The following PTPRR variants were observed in gnomAD, a reference collection of about 807,000 sequenced individuals.
PTPRR encodes receptor-type tyrosine-protein phosphatase R.
In PTPRR, 38 loss-of-function variants were observed where a neutral mutation model predicts 77.2. That is an observed-to-expected ratio of 0.49 (90% CI 0.38 to 0.65). PTPRR has a LOEUF of 0.65. Ranked by LOEUF, PTPRR falls within the 30% of genes least tolerant of loss-of-function variation. The pLI is 0.00. For synonymous variants in PTPRR, 299 were observed against 283.1 expected (o/e 1.06, Z -0.57); for missense variants, 744 against 799.2 (o/e 0.93, Z 0.83).
intron 2 of PTPRR, among the ~76,000 whole-genome samples, chr12:70,864,421 T>A (rs1241970981): frequency 6.6e-6 from 1 of 152,122 alleles, no homozygotes; most frequent in African/African-American, 2.4e-5. Flanking sequence ...ACATGATCAA[T>A]AGGGTTGATT....
chr12:70,674,325 A>AGAT (rs1203233469), intron 10 of PTPRR, among the ~76,000 whole-genome samples: 1 of 151,986 alleles, frequency 6.6e-6, no homozygotes, highest in Non-Finnish European at 1.5e-5. Context: ...TAGTTCTTTT[A>AGAT]CTAACTTAAG....
chr12:70,825,294 A>C (rs2137044993), intron 2 of PTPRR, among the ~76,000 whole-genome samples: 1 of 150,720 alleles, frequency 6.6e-6, no homozygotes, highest in African/African-American at 2.4e-5. Flanking sequence ...AATAAAAATA[A>C]AAAATAAAAA....
chr12:70,688,789 G>A (rs1403596854), intron 8 of PTPRR, among the ~76,000 whole-genome samples: 2 of 152,134 alleles, frequency 1.3e-5, no homozygotes, highest in African/African-American at 4.8e-5. Flanking sequence ...AACAACTGGA[G>A]TGTCCATCAA....
intron 6 of PTPRR, among the ~76,000 whole-genome samples, chr12:70,744,859 A>G (rs1890162005): frequency 6.6e-6 from 1 of 152,218 alleles, no homozygotes; most frequent in Non-Finnish European, 1.5e-5. Context: ...TGTTTTAAAT[A>G]TAAAATTAAA....
intron 2 of PTPRR, among the ~76,000 whole-genome samples, chr12:70,885,306 A>G (rs1273108615): frequency 6.6e-6 from 1 of 152,190 alleles, no homozygotes; most frequent in Non-Finnish European, 1.5e-5. Flanking sequence ...GTCAATATAT[A>G]AAATGTGAAA....
At chr12:70,891,220 C>T (rs1397267098) in intron 2 of PTPRR, among the ~76,000 whole-genome samples, 7 of 152,026 alleles carry the variant, frequency 4.6e-5, no homozygotes, top group African/African-American at 1.7e-4. Context: ...CTCATTGGTG[C>T]CTTTTATTGT....
intron 2 of PTPRR, among the ~76,000 whole-genome samples, chr12:70,857,266 A>G (rs986840156): frequency 1.3e-5 from 2 of 152,190 alleles, no homozygotes; most frequent in Non-Finnish European, 2.9e-5. Flanking sequence ...ACAGAGTAGT[A>G]GTAGGAAAGG....
intron 8 of PTPRR, among the ~76,000 whole-genome samples, chr12:70,694,026 G>T (rs1363350229): frequency 1.3e-5 from 2 of 151,928 alleles, no homozygotes; most frequent in African/African-American, 4.8e-5. Context: ...CACTACTTTT[G>T]GGAATAAAGG....
chr12:70,899,987 T>C (rs1565735520), intron 1 of PTPRR, among the ~76,000 whole-genome samples: 1 of 151,568 alleles, frequency 6.6e-6, no homozygotes, highest in East Asian at 1.9e-4. Flanking sequence ...AAGATACATA[T>C]ATATACTGAA....
intron 2 of PTPRR, among the ~76,000 whole-genome samples, chr12:70,880,513 T>C (rs930164817): frequency 6.6e-5 from 10 of 152,164 alleles, no homozygotes; most frequent in Admixed American, 1.3e-4. Flanking sequence ...GTTTTGTTTT[T>C]TTCATTGCAC....
At chr12:70,769,063 G>C (rs994114385) in intron 2 of PTPRR, among the ~76,000 whole-genome samples, 20 of 136,948 alleles carry the variant, frequency 1.5e-4, no homozygotes, top group East Asian at 7.8e-4. Flanking sequence ...ATACTGAATG[G>C]GCAAAAACTG....
At chr12:70,894,278 T>C (rs911259599) in intron 1 of PTPRR, among the ~76,000 whole-genome samples, 1 of 151,840 alleles carries the variant, frequency 6.6e-6, no homozygotes, top group Non-Finnish European at 1.5e-5. Flanking sequence ...GCTATTTACA[T>C]GCCCAAATTC....
chr12:70,803,600 A>G (rs552923143), intron 2 of PTPRR, among the ~76,000 whole-genome samples: 14 of 152,248 alleles, frequency 9.2e-5, no homozygotes, highest in Admixed American at 3.3e-4. Flanking sequence ...AGGTTCTACT[A>G]TGAGAATTCT....
In PTPRR at chr12:70,749,036, C is replaced by T. The variant is rs376460170; in HGVS notation, c.739-2950G>A. ...CAGCACAGAGGTATAATGTGGCACA[C>T]ATTTACCAGTTCCATCTGGGTAGAA... On this transcript the variant is annotated intron_variant, in intron 5 of 13. Coordinates refer to ENST00000283228, the MANE Select transcript of PTPRR (RefSeq NM_002849.4). Among the ~76,000 whole-genome samples the T allele has an allele frequency of 5.3e-5, 8 of 152,296 alleles. No homozygotes were observed. In the South Asian group the frequency reaches 1.7e-3, roughly 32 times the overall value.
At chr12:70,782,866 A>G (rs1432219498) in intron 2 of PTPRR, among the ~76,000 whole-genome samples, 1 of 152,146 alleles carries the variant, frequency 6.6e-6, no homozygotes, top group African/African-American at 2.4e-5. Flanking sequence ...AAACTACCAC[A>G]TTATCAAATA....
chr12:70,762,057 C>T (rs1156637701), intron 3 of PTPRR, among the ~76,000 whole-genome samples: 1 of 152,138 alleles, frequency 6.6e-6, no homozygotes, highest in African/African-American at 2.4e-5. Context: ...ATTTTTATAA[C>T]TTGTGTTAAT....
At chr12:70,857,310 T>G (rs555636541) in intron 2 of PTPRR, among the ~76,000 whole-genome samples, 1 of 150,700 alleles carries the variant, frequency 6.6e-6, no homozygotes, top group Non-Finnish European at 1.5e-5. Context: ...AAGGGAGGAG[T>G]CAACAGTGTC....
chr12:70,745,070 T>C (rs968348794), intron 6 of PTPRR, among the ~76,000 whole-genome samples: 6 of 150,594 alleles, frequency 4.0e-5, no homozygotes, highest in Admixed American at 6.6e-5. Context: ...ATGTCATGGA[T>C]TTTTTTTTTC....
chr12:70,714,412 C>A (rs1415217056), intron 6 of PTPRR, among the ~76,000 whole-genome samples: 1 of 152,230 alleles, frequency 6.6e-6, no homozygotes, highest in South Asian at 2.1e-4. Context: ...GTTATGTACC[C>A]TTCTTTCAAT....
Sources: allele counts gnomAD v4.1 joint callset (sites outside exome capture counted in the v4.1 genomes callset), GRCh38; gene constraint gnomAD v4.1.1; transcripts MANE v1.5; gene names NCBI Gene and HGNC (gene_info 2026-07-23, HGNC 2026-07-21).